Variants in ALDH2 observed in about 807,000 individuals in gnomAD.
ALDH2 encodes the protein aldehyde dehydrogenase 2 family member.
Under a neutral mutation model 59.6 loss-of-function variants are expected in ALDH2, and 44 were observed. The observed-to-expected ratio is 0.74, with a 90% CI of 0.58 to 0.95. The LOEUF (loss-of-function observed/expected upper bound fraction) is 0.95, where lower values mean the gene tolerates loss of function less well. Ranked by LOEUF, ALDH2 falls within the 40% of genes least tolerant of loss-of-function variation. ALDH2 has a pLI of 0.00. For missense variants in ALDH2, 570 were observed against 696.3 expected (o/e 0.82, Z 2.04); for synonymous variants, 291 against 284.0 (o/e 1.02, Z -0.25).
chr12:111,809,461 C>T (rs563250001), intron 12 of ALDH2, 82 bp from the exon 13 acceptor site: 16 of 1,506,392 alleles, frequency 1.1e-5, no homozygotes, highest in Non-Finnish European at 1.3e-5. Flanking sequence ...TTTCTGCTCA[C>T]ACTTAGTCAG....
In ALDH2 at chr12:111,776,373, T is replaced by A. The variant is rs1593070677; in HGVS notation, c.115-5545T>A. On this transcript the variant is annotated intron_variant, in intron 1 of 12. Coordinates refer to ENST00000261733, the MANE Select transcript of ALDH2 (RefSeq NM_000690.4). Reference sequence around the variant, plus strand: ...TAGGAACTGTACACTCGTTCTTGCATTTAACCTTCACATCAGCCCCCAGAA... The same window carrying A: ...TAGGAACTGTACACTCGTTCTTGCAATTAACCTTCACATCAGCCCCCAGAA... Among the ~76,000 whole-genome samples, 2 of 152,142 alleles carry A rather than the reference T, an allele frequency of 1.3e-5. 1 individual carries two copies. The highest frequency in any genetic ancestry group is 3.9e-4 in the East Asian group (2 of 5,194).
intron 12 of ALDH2, among the ~76,000 whole-genome samples, chr12:111,806,287 A>C (rs1203262941): frequency 6.6e-6 from 1 of 152,000 alleles, no homozygotes; most frequent in Non-Finnish European, 1.5e-5. Context: ...ACTGCACTCC[A>C]GCCTGGGCGA....
At chr12:111,788,166 C>G (rs904350566) in intron 4 of ALDH2, among the ~76,000 whole-genome samples, 12 of 152,006 alleles carry the variant, frequency 7.9e-5, no homozygotes, top group African/African-American at 2.9e-4. Flanking sequence ...GCTGAGATCG[C>G]GCCACTGCAC....
At chr12:111,796,964 CTTTT>C (rs554909623) in intron 9 of ALDH2, among the ~76,000 whole-genome samples, 17 of 139,124 alleles carry the variant, frequency 1.2e-4, no homozygotes, top group African/African-American at 3.4e-4. Context: ...AGCTTTACTT[CTTTT>C]TTTTTTTTTT....
intron 9 of ALDH2, among the ~76,000 whole-genome samples, chr12:111,795,308 C>T (rs1409369702): frequency 3.9e-5 from 6 of 151,970 alleles, no homozygotes; most frequent in Non-Finnish European, 5.9e-5. Flanking sequence ...CTTTTGAGAC[C>T]GTCTCGCTCT....
chr12:111,793,135 C>T (rs1323520651), intron 9 of ALDH2, among the ~76,000 whole-genome samples: 1 of 152,154 alleles, frequency 6.6e-6, no homozygotes, highest in Non-Finnish European at 1.5e-5. Context: ...TGTGAACCTT[C>T]GTGTCTGAGA....
chr12:111,802,341 G>A (rs1282967253), intron 11 of ALDH2, among the ~76,000 whole-genome samples: 1 of 151,224 alleles, frequency 6.6e-6, no homozygotes, highest in Non-Finnish European at 1.5e-5. Context: ...GAACCCGGGA[G>A]GCAGAGGTTA....
chr12:111,816,162 A>T lies in ALDH2; in HGVS notation c.*6587A>T, dbSNP rs1036737470. On this transcript the variant is annotated 3_prime_UTR_variant, in exon 13 of 13. Coordinates refer to ENST00000261733, the MANE Select transcript of ALDH2 (RefSeq NM_000690.4). ...TCAAGAGCTGGTTGTTTAAAAGGTG[A>T]CGTGGACCTAATCCCTGTTGGACTG... The T allele has an allele frequency of 1.3e-5, 2 of 152,178 alleles. No homozygotes were observed. Among genetic ancestry groups the T allele is most frequent in the African/African-American group, 4.8e-5 (2 of 41,408 alleles). 9.4% of individuals were successfully genotyped at this position (152,178 alleles called of 1,614,324 possible). A position where few individuals can be genotyped will look rare whatever the true frequency, so the allele number is the denominator to read the frequency against.
chr12:111,803,076 A>G (rs979081317), intron 11 of ALDH2, among the ~76,000 whole-genome samples: 3 of 149,710 alleles, frequency 2.0e-5, no homozygotes, highest in Non-Finnish European at 4.4e-5. Flanking sequence ...CTGTAATCCC[A>G]GCTACTCGGG....
intron 3 of ALDH2, among the ~76,000 whole-genome samples, chr12:111,784,515 T>G (rs2068295942): frequency 6.6e-6 from 1 of 152,228 alleles, no homozygotes; most frequent in African/African-American, 2.4e-5. Context: ...GCCCCCTACA[T>G]ATCATTCAGG....
chr12:111,814,556 A>G lies in ALDH2; in HGVS notation c.*4981A>G, dbSNP rs1230619395. On this transcript the variant is annotated 3_prime_UTR_variant, in exon 13 of 13. Coordinates refer to ENST00000261733, the MANE Select transcript of ALDH2 (RefSeq NM_000690.4). Reference sequence around the variant, plus strand: ...CTGTCTCAAAAAAAAAAAAAAAAAAAAGTGGCCAGGTGGTGCCATGGCTCA... The same window carrying G: ...CTGTCTCAAAAAAAAAAAAAAAAAAGAGTGGCCAGGTGGTGCCATGGCTCA... 26 of 150,470 alleles carry G rather than the reference A, an allele frequency of 1.7e-4. No homozygotes were observed. Among genetic ancestry groups the G allele is most frequent in the African/African-American group, 6.1e-4 (25 of 40,822 alleles). The allele number at this position is 150,470 out of a possible 1,614,324, so 9.3% of individuals were successfully genotyped here.
chr12:111,769,250 GACTT>G (rs2136005338), intron 1 of ALDH2, among the ~76,000 whole-genome samples: 1 of 152,200 alleles, frequency 6.6e-6, no homozygotes, highest in South Asian at 2.1e-4. Context: ...GCAGAGGACT[GACTT>G]ACAACTCTCT....
At chr12:111,799,771 T>G in intron 10 of ALDH2, 135 bp from the exon 11 acceptor site, 1 of 1,092,864 alleles carries the variant, frequency 9.2e-7, no homozygotes, top group Non-Finnish European at 1.3e-6. Context: ...TGATGGCTGT[T>G]GTCTTCCCCT....
intron 1 of ALDH2, chr12:111,775,582 A>G (rs770370161): frequency 9.2e-6 from 4 of 434,826 alleles, no homozygotes; most frequent in South Asian, 6.6e-5. Flanking sequence ...TTTTGATAGA[A>G]AATCTTTATG....
intron 4 of ALDH2, among the ~76,000 whole-genome samples, chr12:111,788,908 G>A (rs1315448959): frequency 6.6e-6 from 1 of 152,122 alleles, no homozygotes; most frequent in African/African-American, 2.4e-5. Flanking sequence ...AGGAGGCTAA[G>A]GTGGGAGGAT....
rs2068522098 is a variant in ALDH2, at chr12:111,809,736, A to T, written c.*161A>T. 2.6e-6 allele frequency: 2 copies of T among 775,108 alleles called. No individual in the cohort carries two copies. The highest frequency in any genetic ancestry group is 4.2e-6 in the Non-Finnish European group (2 of 477,400). The allele number at this position is 775,108 out of a possible 1,614,324, so 48.0% of individuals were successfully genotyped here. ...AGTTCTAGAATTTGAATTGATAAAC[A>T]TGGTGGGTTGGCTGAGGGTAAGAGT... On this transcript the variant is annotated 3_prime_UTR_variant, in exon 13 of 13. Coordinates refer to ENST00000261733, the MANE Select transcript of ALDH2 (RefSeq NM_000690.4).
chr12:111,767,307 T>A (rs556048130), intron 1 of ALDH2, among the ~76,000 whole-genome samples: 8 of 152,280 alleles, frequency 5.3e-5, no homozygotes, highest in African/African-American at 1.9e-4. Flanking sequence ...CATTTCCCCG[T>A]GACTTGGGCC....
chr12:111,809,648 G>T lies in ALDH2; in HGVS notation c.*73G>T. ...GATCAGCAACAAAACCAAGAAAAAT[G>T]ATCCTTGCGTGCTGAATATCTGAAA... is the stretch of plus-strand genomic sequence containing the variant. On this transcript the variant is annotated 3_prime_UTR_variant, in exon 13 of 13. Transcript: ENST00000261733. 1.3e-6 allele frequency: 2 copies of T among 1,531,286 alleles called. No individual in the cohort carries two copies. Among genetic ancestry groups the T allele is most frequent in the Non-Finnish European group, 1.8e-6 (2 of 1,107,110 alleles). The allele number at this position is 1,531,286 out of a possible 1,614,324, so 94.9% of individuals were successfully genotyped here. A position where few individuals can be genotyped will look rare whatever the true frequency, so the allele number is the denominator to read the frequency against.
In ALDH2 at chr12:111,789,847, G is replaced by A. The variant is rs753972907; in HGVS notation, c.465G>A (p.Lys155=). The A allele has an allele frequency of 5.6e-6, 9 of 1,614,038 alleles. No individual in the cohort carries two copies. The African/African-American group carries it at 1.1e-4, about 19-fold the overall frequency. ...CLRYYAGWAD[K]YHGKTIPIDG... ...GGTATTATGCCGGCTGGGCTGATAA[G>A]TACCACGGGAAAACCATCCCCATTG... The change falls in exon 5 of 13, where the codon AAG becomes AAA. Residue 155 remains lysine, a synonymous_variant. Transcript: ENST00000261733.
Sources: gnomAD v4.1 joint callset for allele counts (sites outside exome capture counted in the v4.1 genomes callset) on GRCh38, gnomAD v4.1.1 for gene constraint, MANE v1.5 for transcripts, NCBI Gene and HGNC (gene_info 2026-07-23, HGNC 2026-07-21) for gene names.